Variants in YIPF5 observed in about 807,000 individuals in gnomAD.
YIPF5 encodes the protein protein YIPF5.
Under a neutral mutation model 30.4 loss-of-function variants are expected in YIPF5, and 8 were observed. The observed-to-expected ratio is 0.26, with a 90% CI of 0.15 to 0.47. The LOEUF (loss-of-function observed/expected upper bound fraction) is 0.47. Among genes scored for constraint, YIPF5 ranks in the 20% least tolerant of loss-of-function variants. The pLI is 0.99. For missense variants in YIPF5, 282 were observed against 301.8 expected, an observed-to-expected ratio of 0.93 and a Z score of 0.49; for synonymous variants, 104 against 107.9, an observed-to-expected ratio of 0.96 and a Z score of 0.23.
intron 2 of YIPF5, among the ~76,000 whole-genome samples, chr5:144,168,488 A>G (rs1249899093): frequency 6.6e-6 from 1 of 152,210 alleles, no homozygotes; most frequent in African/African-American, 2.4e-5. Context: ...CTATACACAG[A>G]GCAATCACCA....
intron 2 of YIPF5, among the ~76,000 whole-genome samples, chr5:144,167,488 G>C (rs898285999): frequency 6.6e-6 from 1 of 151,884 alleles, no homozygotes; most frequent in African/African-American, 2.4e-5. Context: ...ATACTACCAG[G>C]TAAGTCAAAG....
At chr5:144,170,200 T>C (rs73297301) in intron 1 of YIPF5, 12,104 of 506,500 alleles carry the variant, frequency 0.024, 720 homozygotes, top group African/African-American at 0.16. Flanking sequence ...AGAGCTGATA[T>C]GCCTTCCATT....
At position 144,169,915 on chromosome 5, in the gene YIPF5, G is replaced by T. The variant is rs749204878; in HGVS notation, c.41C>A (p.Thr14Lys). Reference sequence around the variant, plus strand: ...TGACTGATCATCGATGCTGTAACTTGTCTGGTAGAAATCCGTGTTTAAGTT... The same window carrying T: ...TGACTGATCATCGATGCTGTAACTTTTCTGGTAGAAATCCGTGTTTAAGTT... ...FENLNTDFYQTSYSIDDQSQQ... is the reference protein window; with the variant it reads ...FENLNTDFYQKSYSIDDQSQQ... Residue 14 changes from threonine (T) to lysine (K), a missense_variant, in exon 2 of 6, where the codon ACA becomes AAA. Coordinates refer to ENST00000274496, the MANE Select transcript of YIPF5 (RefSeq NM_030799.9). 1.3e-5 allele frequency: 21 copies of T among 1,614,092 alleles called. No individual in the cohort carries two copies. The highest frequency in any genetic ancestry group is 1.7e-6 in the Non-Finnish European group (2 of 1,180,046).
chr5:144,164,304 T>G, intron 3 of YIPF5, 48 bp from the exon 4 acceptor site: 1 of 1,523,530 alleles, frequency 6.6e-7, no homozygotes, highest in South Asian at 1.2e-5. Context: ...GTGATGTATT[T>G]TTAATTCATC....
rs1459585302 is a variant in YIPF5, at chr5:144,159,643, T to A, written c.*754A>T. 2 of 985,114 alleles carry A rather than the reference T, an allele frequency of 2.0e-6. No individual in the cohort carries two copies. Among genetic ancestry groups the A allele is most frequent in the African/African-American group, 3.5e-5 (2 of 57,170 alleles). The allele number at this position is 985,114 out of a possible 1,614,324, so 61.0% of individuals were successfully genotyped here. Reference sequence around the variant, plus strand: ...TGCTTTGAGTTACCTGACTTGAGAATACAAGGCAATTTTTCTTTCCTAAAT... The same window carrying A: ...TGCTTTGAGTTACCTGACTTGAGAAAACAAGGCAATTTTTCTTTCCTAAAT... On this transcript the variant is annotated 3_prime_UTR_variant, in exon 6 of 6. Transcript: ENST00000274496.
At chr5:144,167,353 A>C (rs1161168450) in intron 2 of YIPF5, among the ~76,000 whole-genome samples, 1 of 152,178 alleles carries the variant, frequency 6.6e-6, no homozygotes, top group Non-Finnish European at 1.5e-5. Flanking sequence ...CTAAAACAAC[A>C]TGAAAAGCAG....
At chr5:144,164,036 T>C (rs556529871) in intron 4 of YIPF5, 75 bp downstream of exon 4, 12 of 1,567,494 alleles carry the variant, frequency 7.7e-6, no homozygotes, top group Admixed American at 5.6e-5. Context: ...AGTTTCAAAA[T>C]GGCTTTTGGT....
chr5:144,169,239 G>A (rs1015897605), intron 2 of YIPF5, among the ~76,000 whole-genome samples: 1 of 152,034 alleles, frequency 6.6e-6, no homozygotes, highest in Non-Finnish European at 1.5e-5. Flanking sequence ...ACTATAAAAA[G>A]ATCATTTAAA....
intron 4 of YIPF5, chr5:144,163,808 C>T (rs1421277207): frequency 4.9e-6 from 1 of 204,534 alleles, no homozygotes; most frequent in Non-Finnish European, 9.6e-6. Flanking sequence ...CTGTAAGTAA[C>T]CTCTGAAAAG....
rs1406030499 is a variant in YIPF5, at chr5:144,170,380, C to G, written c.-11+155G>C. ...AAAGTGCAGAATCTGGAAGGTCGCG[C>G]CTGAGGTGCAGGGGACCGCGTCAGG... On this transcript the variant is annotated intron_variant, in intron 1 of 5. Coordinates refer to ENST00000274496, the MANE Select transcript of YIPF5 (RefSeq NM_030799.9). The G allele has an allele frequency of 2.5e-5, 5 of 200,480 alleles. No homozygotes were observed. The East Asian group carries it at 7.4e-4, about 30-fold the overall frequency. The allele number at this position is 200,480 out of a possible 1,614,324, so 12.4% of individuals were successfully genotyped here. A position where few individuals can be genotyped will look rare whatever the true frequency, so the allele number is the denominator to read the frequency against.
At chr5:144,161,076 T>C (rs1752025568) in intron 5 of YIPF5, among the ~76,000 whole-genome samples, 1 of 152,214 alleles carries the variant, frequency 6.6e-6, no homozygotes, top group South Asian at 2.1e-4. Flanking sequence ...GAGTGATTTC[T>C]ACACTGAAAA....
At position 144,160,039 on chromosome 5, in the gene YIPF5, T is replaced by C; in HGVS notation, c.*358A>G. The C allele has an allele frequency of 1.0e-6, 1 of 995,652 alleles. No individual in the cohort carries two copies. Among genetic ancestry groups the C allele is most frequent in the Non-Finnish European group, 1.2e-6 (1 of 836,878 alleles). 61.7% of individuals were successfully genotyped at this position (995,652 alleles called of 1,614,324 possible). ...TGTCTTCTTTACTGTGACTGGGTCGTTTTTAAGAAAGGTTATCAGCTTTGT... is the reference window on the plus strand; with the variant it reads ...TGTCTTCTTTACTGTGACTGGGTCGCTTTTAAGAAAGGTTATCAGCTTTGT... On this transcript the variant is annotated 3_prime_UTR_variant, in exon 6 of 6. Transcript: ENST00000274496.
chr5:144,160,246 GA>G lies in YIPF5; in HGVS notation c.*150del. The G allele has an allele frequency of 6.8e-7, 1 of 1,461,380 alleles. No homozygotes were observed. 90.5% of individuals were successfully genotyped at this position (1,461,380 alleles called of 1,614,324 possible). The stretch of plus-strand genomic sequence containing the variant: ...TAGTATGCAAAAGTTCTATAAAAAT[GA>G]ACAAGAGATACACGTTTACTTTCAT... On this transcript the variant is annotated 3_prime_UTR_variant, in exon 6 of 6. Coordinates refer to ENST00000274496, the MANE Select transcript of YIPF5 (RefSeq NM_030799.9).
chr5:144,166,711 C>T (rs1038765885), intron 2 of YIPF5, among the ~76,000 whole-genome samples: 3 of 151,976 alleles, frequency 2.0e-5, no homozygotes, highest in African/African-American at 2.4e-5. Context: ...AGGTGCTTTT[C>T]GTAGAGGCAG....
At chr5:144,161,395 T>TATGC (rs2126756283) in intron 5 of YIPF5, among the ~76,000 whole-genome samples, 1 of 136,946 alleles carries the variant, frequency 7.3e-6, no homozygotes, top group South Asian at 2.4e-4. Flanking sequence ...CAGGCTGAAG[T>TATGC]ATGCAACAGG....
At chr5:144,165,732 T>G (rs1752184901) in intron 2 of YIPF5, 128 bp from the exon 3 acceptor site, 2 of 853,844 alleles carry the variant, frequency 2.3e-6, no homozygotes, top group Admixed American at 5.9e-5. Context: ...GGTACAAACT[T>G]TGCCAATTTT....
intron 1 of YIPF5, 138 bp downstream of exon 1, chr5:144,170,397 C>T (rs569804887): frequency 3.6e-4 from 69 of 189,948 alleles, no homozygotes; most frequent in Non-Finnish European, 7.2e-4. Context: ...TGCAGGGGAC[C>T]GCGTCAGGGC....
At chr5:144,166,275 A>G (rs992016021) in intron 2 of YIPF5, among the ~76,000 whole-genome samples, 18 of 152,170 alleles carry the variant, frequency 1.2e-4, no homozygotes, top group Middle Eastern at 3.2e-3. Context: ...TTATTGTCTC[A>G]TTTGATATGT....
At position 144,158,716 on chromosome 5, in the gene YIPF5, T is replaced by A. The variant is rs1427308944; in HGVS notation, c.*1681A>T. The A allele has an allele frequency of 1.2e-5, 12 of 1,016,456 alleles. No homozygotes were observed. Among genetic ancestry groups the A allele is most frequent in the Non-Finnish European group, 1.4e-5 (12 of 850,886 alleles). The allele number at this position is 1,016,456 out of a possible 1,614,324, so 63.0% of individuals were successfully genotyped here. Reference sequence around the variant, plus strand: ...TTCCAAATTGCTTTTTTAAAGCAATTTGGTAAGTTTGAAAACCTAGCCCAA... The same window carrying A: ...TTCCAAATTGCTTTTTTAAAGCAATATGGTAAGTTTGAAAACCTAGCCCAA... On this transcript the variant is annotated 3_prime_UTR_variant, in exon 6 of 6. Coordinates refer to ENST00000274496, the MANE Select transcript of YIPF5 (RefSeq NM_030799.9).
Sources: gnomAD v4.1 joint callset for allele counts (sites outside exome capture counted in the v4.1 genomes callset) on GRCh38, gnomAD v4.1.1 for gene constraint, MANE v1.5 for transcripts, NCBI Gene and HGNC (gene_info 2026-07-23, HGNC 2026-07-21) for gene names.